The following PDE4DIP variants were observed in gnomAD, a reference collection of about 807,000 sequenced individuals.
PDE4DIP encodes the protein myomegalin.
In PDE4DIP, 59 loss-of-function variants were observed where a neutral mutation model predicts 221.4. The observed-to-expected ratio is 0.27, with a 90% CI of 0.22 to 0.33. The LOEUF is 0.33. PDE4DIP is among the 10% of genes least tolerant of loss of function. The pLI is 1.00. For synonymous variants in PDE4DIP, 404 were observed against 815.9 expected, an observed-to-expected ratio of 0.50 and a Z score of 8.60; for missense variants, 1,036 against 2,154.2, an observed-to-expected ratio of 0.48 and a Z score of 10.28.
At chr1:148,953,862 T>A (rs1179974727) in intron 5 of PDE4DIP, 24 of 1,610,142 alleles carry the variant, frequency 1.5e-5, no homozygotes, top group Non-Finnish European at 2.0e-5. Flanking sequence ...CTGCAGGAGC[T>A]GTGGGATGAT....
chr1:148,893,131 G>T (rs1699382042), intron 1 of PDE4DIP, among the ~76,000 whole-genome samples: 1 of 134,518 alleles, frequency 7.4e-6, no homozygotes, highest in Non-Finnish European at 1.6e-5. Context: ...TTTTTTGGCA[G>T]AGATTGAGGT....
At chr1:148,973,429 C>T (rs1421399492) in intron 16 of PDE4DIP, among the ~76,000 whole-genome samples, 11 of 151,084 alleles carry the variant, frequency 7.3e-5, no homozygotes, top group Admixed American at 4.0e-4. Context: ...TGCGCCCAGC[C>T]GCTTCTAGGC....
chr1:148,875,841 G>A (rs1778719), intron 3 of PDE4DIP, among the ~76,000 whole-genome samples: 237 of 152,184 alleles, frequency 1.6e-3, no homozygotes, highest in East Asian at 5.0e-3. Flanking sequence ...GAGGAGAAGC[G>A]CTTGAACCCA....
intron 5 of PDE4DIP, among the ~76,000 whole-genome samples, chr1:148,941,044 C>A (rs1167804400): frequency 1.0e-5 from 1 of 96,430 alleles, no homozygotes; most frequent in African/African-American, 4.2e-5. Flanking sequence ...AACACCCCCA[C>A]AAAATTTCAA....
At chr1:148,934,160 A>G (rs2048664932) in intron 4 of PDE4DIP, among the ~76,000 whole-genome samples, 1 of 151,102 alleles carries the variant, frequency 6.6e-6, no homozygotes, top group Admixed American at 6.6e-5. Flanking sequence ...TAAGGCATCA[A>G]TCGTCATTTC....
exon 42 of PDE4DIP, chr1:149,029,866 A>G (rs1553634690): frequency 6.2e-7 from 1 of 1,606,014 alleles, no homozygotes; most frequent in African/African-American, 1.3e-5. Context: ...AGCACAACTG[A>G]GCATCTGAAG....
chr1:148,937,188 A>T (rs1553475536), intron 4 of PDE4DIP, among the ~76,000 whole-genome samples: 2 of 152,196 alleles, frequency 1.3e-5, no homozygotes, highest in Non-Finnish European at 2.9e-5. Flanking sequence ...CAGCTCCAGT[A>T]TAATCTTATT....
intron 37 of PDE4DIP, among the ~76,000 whole-genome samples, chr1:149,022,726 C>T (rs2073428769): frequency 6.6e-6 from 1 of 151,130 alleles, no homozygotes; most frequent in Non-Finnish European, 1.5e-5. Flanking sequence ...AGTTGACATT[C>T]TGTATAGTAG....
chr1:148,970,450 G>C (rs1328911255), intron 14 of PDE4DIP, among the ~76,000 whole-genome samples: 1 of 151,978 alleles, frequency 6.6e-6, no homozygotes, highest in African/African-American at 2.4e-5. Context: ...GAATAATGGA[G>C]ATGATGGAAA....
At chr1:148,932,715 A>G (rs2762729) in intron 4 of PDE4DIP, 2 of 344,780 alleles carry the variant, frequency 5.8e-6, no homozygotes, top group South Asian at 5.1e-5. Flanking sequence ...ACATTAAAAG[A>G]GCAAGTTGTC....
At chr1:148,927,712 T>C (rs2047019499) in intron 1 of PDE4DIP, among the ~76,000 whole-genome samples, 1 of 151,524 alleles carries the variant, frequency 6.6e-6, no homozygotes, top group Admixed American at 6.6e-5. Context: ...ACTTCTTTAC[T>C]AAATAACATT....
In PDE4DIP at chr1:148,975,226, G is replaced by A. The variant is rs587774590; in HGVS notation, c.2319+621G>A. ...TAAAGCACTGGTGAAAAAAGGAAGC[G>A]CTGTGTGATTGCTGCTTAGAGTTAT... On this transcript the variant is annotated intron_variant, in intron 17 of 43. Coordinates refer to ENST00000369354, the Ensembl canonical transcript of PDE4DIP. Among the ~76,000 whole-genome samples, 13 of 147,518 alleles carry A rather than the reference G, an allele frequency of 8.8e-5. 1 individual carries two copies. The East Asian group carries it at 1.0e-3, about 12-fold the overall frequency.
At chr1:148,859,420 T>C (rs1288157682) in intron 1 of PDE4DIP, among the ~76,000 whole-genome samples, 4 of 151,260 alleles carry the variant, frequency 2.6e-5, no homozygotes, top group Non-Finnish European at 4.4e-5. Flanking sequence ...GGAAAATGCT[T>C]GGTACTTCCG....
At chr1:148,930,299 G>T (rs1490926132) in intron 2 of PDE4DIP, 2 of 152,028 alleles carry the variant, frequency 1.3e-5, no homozygotes, top group Non-Finnish European at 2.9e-5. Flanking sequence ...GGATCACGAG[G>T]TCAGGAGATC....
At chr1:148,970,054 G>A (rs1553524052) in intron 14 of PDE4DIP, among the ~76,000 whole-genome samples, 1 of 151,736 alleles carries the variant, frequency 6.6e-6, no homozygotes, top group Non-Finnish European at 1.5e-5. Context: ...TTCTCCTCAA[G>A]GCTAAAAACT....
At chr1:148,935,057 T>C (rs2048925526) in intron 4 of PDE4DIP, among the ~76,000 whole-genome samples, 3 of 151,972 alleles carry the variant, frequency 2.0e-5, no homozygotes, top group African/African-American at 4.8e-5. Context: ...CAACTAAAAA[T>C]ACAAAAATTG....
At chr1:149,012,683 G>A (rs782178000) in exon 32 of PDE4DIP, 1 of 1,613,734 alleles carries the variant, frequency 6.2e-7, no homozygotes, top group African/African-American at 1.3e-5. Flanking sequence ...CAGCCCCACT[G>A]GCCCTCTCCT....
At chr1:148,828,765 GGGAT>G (rs1434551719) in intron 1 of PDE4DIP, among the ~76,000 whole-genome samples, 2 of 146,828 alleles carry the variant, frequency 1.4e-5, no homozygotes, top group Non-Finnish European at 3.0e-5. Flanking sequence ...AAGGATAAAG[GGGAT>G]TGTGTGAGTA....
At chr1:149,011,117 A>G (rs1363324264) in intron 31 of PDE4DIP, among the ~76,000 whole-genome samples, 1 of 152,046 alleles carries the variant, frequency 6.6e-6, no homozygotes, top group Non-Finnish European at 1.5e-5. Context: ...TACATAGTGC[A>G]TATCTTGGGG....
Sources: gnomAD v4.1 joint callset for allele counts (sites outside exome capture counted in the v4.1 genomes callset) on GRCh38, gnomAD v4.1.1 for gene constraint, MANE v1.5 for transcripts, NCBI Gene and HGNC (gene_info 2026-07-23, HGNC 2026-07-21) for gene names.